TRIO: variants seen among roughly 807,000 people sequenced by gnomAD.
TRIO encodes the protein triple functional domain protein.
Under a neutral mutation model 351.9 loss-of-function variants are expected in TRIO, and 58 were observed. That is an observed-to-expected ratio of 0.16 (90% CI 0.13 to 0.21). The LOEUF is 0.21. Among genes scored for constraint, TRIO ranks in the 10% least tolerant of loss-of-function variants. The pLI, the probability that TRIO is intolerant of heterozygous loss-of-function variation, is 1.00. For synonymous variants in TRIO, 1,758 were observed against 1,595.7 expected (o/e 1.10, Z -2.42); for missense variants, 3,201 against 4,027.8 (o/e 0.79, Z 5.56).
chr5:14,279,548 G>A (rs1312031190), intron 2 of TRIO, among the ~76,000 whole-genome samples: 6 of 152,162 alleles, frequency 3.9e-5, no homozygotes, highest in Admixed American at 1.3e-4. Context: ...TGACAACCCC[G>A]ATGGAAGTAA....
Position 14,480,154 on chromosome 5 carries a change from A to T in TRIO, c.6336+143A>T, listed in dbSNP as rs149369779. Reference sequence around the variant, plus strand: ...TATTTCTGATAAGTTAAACCTTAAAAATTTAAATCAGCTGTTAACTGAAGG... The same window carrying T: ...TATTTCTGATAAGTTAAACCTTAAATATTTAAATCAGCTGTTAACTGAAGG... On this transcript the variant is annotated intron_variant, in intron 43 of 56. Coordinates refer to ENST00000344204, the MANE Select transcript of TRIO (RefSeq NM_007118.4). 3.6e-4 allele frequency: 251 copies of T among 697,446 alleles called. 1 individual carries two copies. The highest frequency in any genetic ancestry group is 5.2e-4 in the Non-Finnish European group (227 of 435,012). The allele number at this position is 697,446 out of a possible 1,614,324, so 43.2% of individuals were successfully genotyped here.
intron 3 of TRIO, among the ~76,000 whole-genome samples, chr5:14,281,426 C>CA (rs754707144): frequency 3.3e-5 from 1 of 30,186 alleles, no homozygotes; most frequent in Non-Finnish European, 9.3e-5. Flanking sequence ...CCGTTAGAAC[C>CA]CCCCCCCCCC....
Position 14,294,674 on chromosome 5 carries a change from G to A in TRIO, c.1176+1540G>A, listed in dbSNP as rs116393505. Among the ~76,000 whole-genome samples the A allele has an allele frequency of 8.7e-3, 1,326 of 152,236 alleles. 14 individuals carry two copies. Among genetic ancestry groups the A allele is most frequent in the African/African-American group, 0.03 (1,246 of 41,534 alleles). Reference sequence around the variant, plus strand: ...TGTGGACGTAGAGGCTTTTAATTCTGACTTTCTTATTTGCCATGTGACCTT... The same window carrying A: ...TGTGGACGTAGAGGCTTTTAATTCTAACTTTCTTATTTGCCATGTGACCTT... On this transcript the variant is annotated intron_variant, in intron 6 of 56. Transcript: ENST00000344204.
intron 21 of TRIO, 61 bp downstream of exon 21, chr5:14,381,313 T>A (rs555715431): frequency 6.5e-7 from 1 of 1,532,628 alleles, no homozygotes; most frequent in African/African-American, 1.4e-5. Flanking sequence ...TTCAAAAATA[T>A]CATAAAGAAA....
At chr5:14,187,994 G>C (rs1038485988) in intron 1 of TRIO, among the ~76,000 whole-genome samples, 4 of 152,214 alleles carry the variant, frequency 2.6e-5, no homozygotes, top group African/African-American at 7.2e-5. Flanking sequence ...GGGAAACCCG[G>C]ATGTCTTTGC....
intron 34 of TRIO, among the ~76,000 whole-genome samples, chr5:14,455,308 G>C (rs1225899357): frequency 6.6e-6 from 1 of 152,170 alleles, no homozygotes; most frequent in East Asian, 1.9e-4. Context: ...ATTTTGACAG[G>C]GTGCTGATTG....
chr5:14,506,100 C>T (rs1055421455), intron 55 of TRIO, among the ~76,000 whole-genome samples: 12 of 152,300 alleles, frequency 7.9e-5, no homozygotes, highest in African/African-American at 2.9e-4. Flanking sequence ...CGGGAGGTCT[C>T]CTTTCTGGCT....
At chr5:14,426,763 C>T (rs1379905017) in intron 34 of TRIO, among the ~76,000 whole-genome samples, 1 of 152,100 alleles carries the variant, frequency 6.6e-6, no homozygotes, top group Non-Finnish European at 1.5e-5. Context: ...TTAAACTGAG[C>T]CCTGTAAACA....
intron 35 of TRIO, among the ~76,000 whole-genome samples, chr5:14,462,358 C>G (rs900824353): frequency 3.3e-5 from 5 of 152,164 alleles, no homozygotes; most frequent in Non-Finnish European, 7.3e-5. Flanking sequence ...TTTTTATGCC[C>G]TTATTATTTC....
intron 17 of TRIO, 32 bp from the exon 18 acceptor site, chr5:14,369,342 A>G (rs752810826): frequency 6.4e-7 from 1 of 1,574,574 alleles, no homozygotes; most frequent in Non-Finnish European, 8.6e-7. Flanking sequence ...GGCAGATGCC[A>G]AGTCTGAGCC....
chr5:14,501,097 C>T (rs1241146083), intron 53 of TRIO, among the ~76,000 whole-genome samples: 2 of 151,378 alleles, frequency 1.3e-5, no homozygotes, highest in African/African-American at 2.4e-5. Context: ...AAACACCAAG[C>T]CCTTTCAGTT....
chr5:14,337,319 A>G (rs371230984), intron 11 of TRIO, among the ~76,000 whole-genome samples: 6 of 152,258 alleles, frequency 3.9e-5, no homozygotes, highest in East Asian at 3.8e-4. Flanking sequence ...GAAATCATAT[A>G]AAGTTACATG....
intron 1 of TRIO, among the ~76,000 whole-genome samples, chr5:14,167,920 T>C (rs1646119950): frequency 6.6e-6 from 1 of 152,196 alleles, no homozygotes; most frequent in South Asian, 2.1e-4. Context: ...TTTTTTTAAA[T>C]TGTGCTTTTT....
At chr5:14,172,011 A>C (rs32572) in intron 1 of TRIO, among the ~76,000 whole-genome samples, 2 of 152,142 alleles carry the variant, frequency 1.3e-5, no homozygotes, top group Admixed American at 6.5e-5. Context: ...ACACCTGCAG[A>C]TAAGTTGAGT....
chr5:14,216,837 G>C (rs1792257962), intron 1 of TRIO, among the ~76,000 whole-genome samples: 3 of 152,192 alleles, frequency 2.0e-5, no homozygotes, highest in Admixed American at 2.0e-4. Flanking sequence ...ATTTGCCTTG[G>C]TGCATCAAAT....
rs143962916 is a variant in TRIO at position 14,419,925 on chromosome 5, C to A, written c.5107C>A (p.Arg1703Ser). 1 of 1,614,182 alleles carries A rather than the reference C, an allele frequency of 6.2e-7. No homozygotes were observed. The highest frequency in any genetic ancestry group is 1.3e-5 in the African/African-American group (1 of 75,068). ...CTGGTGTCTGGTGCGGACAACTGACCGCTCCCCAGCGGCAGAAGGCCTGGT... is the reference window on the plus strand; with the variant it reads ...CTGGTGTCTGGTGCGGACAACTGACAGCTCCCCAGCGGCAGAAGGCCTGGT... ...PDWCLVRTTD[R>S]SPAAEGLVPC... Residue 1703 changes from arginine (R) to serine (S), a missense_variant, in exon 34 of 57, where the codon CGC becomes AGC. By Grantham distance (110) the Arg-to-Ser change is moderately radical (BLOSUM62 -1). Around this residue, in one of 19 missense-constraint regions of TRIO, gnomAD observed 193 missense variants for 218.8 expected, o/e 0.88. Transcript: ENST00000344204.
In TRIO at chr5:14,462,847, G is replaced by C; in HGVS notation, c.5589G>C (p.Gly1863=). 1 of 1,613,742 alleles carries C rather than the reference G, an allele frequency of 6.2e-7. No homozygotes were observed. The highest frequency in any genetic ancestry group is 8.5e-7 in the Non-Finnish European group (1 of 1,179,850). ...QSCGEEEGEE[G]ADAVPLPPPM... ...GTGGAGAAGAGGAAGGCGAGGAGGG[G>C]GCCGACGCCGTGCCCCTGCCGCCAC... is the stretch of plus-strand genomic sequence containing the variant. Residue 1863 remains glycine, a synonymous_variant, in exon 36 of 57, where the codon GGG becomes GGC. Coordinates refer to ENST00000344204, the MANE Select transcript of TRIO (RefSeq NM_007118.4).
intron 1 of TRIO, among the ~76,000 whole-genome samples, chr5:14,243,708 T>C (rs1306633675): frequency 2.0e-5 from 3 of 152,210 alleles, no homozygotes; most frequent in Admixed American, 6.5e-5. Flanking sequence ...AATAATTAGG[T>C]GCATTAAAAG....
At chr5:14,184,482 A>G (rs1789985629) in intron 1 of TRIO, among the ~76,000 whole-genome samples, 1 of 152,256 alleles carries the variant, frequency 6.6e-6, no homozygotes, top group African/African-American at 2.4e-5. Context: ...TGAGCAAACT[A>G]TAAAGCTTCA....
Sources: gnomAD v4.1 joint callset for allele counts (sites outside exome capture counted in the v4.1 genomes callset) on GRCh38, gnomAD v4.1.1 for gene constraint, gnomAD v4.1.1 regional missense constraint, MANE v1.5 for transcripts, NCBI Gene and HGNC (gene_info 2026-07-23, HGNC 2026-07-21) for gene names.